Variants in FGF14 observed in about 807,000 individuals in gnomAD.
FGF14 encodes the protein fibroblast growth factor 14, also known as fibroblast growth factor homologous factor 4.
In FGF14, 5 loss-of-function variants were observed where a neutral mutation model predicts 25.5. The observed-to-expected ratio is 0.20, with a 90% CI of 0.10 to 0.41. The LOEUF is 0.41. Among genes scored for constraint, FGF14 ranks in the 10% least tolerant of loss-of-function variants. The probability of loss-of-function intolerance (pLI) is 1.00; values close to 1 mark genes in which losing one functional copy is unlikely to be tolerated. For synonymous variants in FGF14, 138 were observed against 118.3 expected, an observed-to-expected ratio of 1.17 and a Z score of -1.08; for missense variants, 222 against 320.1, an observed-to-expected ratio of 0.69 and a Z score of 2.34.
chr13:102,209,816 A>G (rs1045634220), intron 1 of FGF14, among the ~76,000 whole-genome samples: 8 of 152,346 alleles, frequency 5.3e-5, no homozygotes, highest in African/African-American at 1.7e-4. Context: ...GCAAGCACCT[A>G]TTAAACAAAA....
intron 1 of FGF14, among the ~76,000 whole-genome samples, chr13:102,200,243 A>G (rs1470449347): frequency 6.6e-6 from 1 of 152,204 alleles, no homozygotes; most frequent in Non-Finnish European, 1.5e-5. Context: ...ATGCATGAAT[A>G]TATGTGCATT....
At chr13:102,246,693 A>C (rs998607851) in intron 1 of FGF14, among the ~76,000 whole-genome samples, 1 of 151,996 alleles carries the variant, frequency 6.6e-6, no homozygotes, top group African/African-American at 2.4e-5. Context: ...GTTCCTATCA[A>C]ACTACCAATG....
intron 1 of FGF14, among the ~76,000 whole-genome samples, chr13:102,270,118 A>T (rs2053176916): frequency 6.6e-6 from 1 of 152,184 alleles, no homozygotes; most frequent in Admixed American, 6.6e-5. Flanking sequence ...TTTTAAGTAA[A>T]ATGATGTTAT....
chr13:102,177,965 T>C (rs2048514176), intron 1 of FGF14, among the ~76,000 whole-genome samples: 1 of 152,010 alleles, frequency 6.6e-6, no homozygotes, highest in African/African-American at 2.4e-5. Flanking sequence ...ACATAGCACA[T>C]GTCTCTCTCA....
chr13:102,114,597 A>G (rs927831748), intron 1 of FGF14, among the ~76,000 whole-genome samples: 6 of 152,240 alleles, frequency 3.9e-5, no homozygotes, highest in Non-Finnish European at 7.3e-5. Flanking sequence ...ATAAACATAA[A>G]TCAACAGAGG....
At chr13:102,171,079 G>A (rs667631) in intron 1 of FGF14, among the ~76,000 whole-genome samples, 92,659 of 152,008 alleles carry the variant, frequency 0.61, 29,948 homozygotes, top group East Asian at 0.91. Flanking sequence ...AATTTAAACC[G>A]TCCTGTAAAA....
chr13:101,723,213 C>T, intron 4 of FGF14: 1 of 509,058 alleles, frequency 2.0e-6, no homozygotes, highest in Admixed American at 3.0e-5. Context: ...GGATTTTTGT[C>T]TAGGACAGCA....
intron 1 of FGF14, among the ~76,000 whole-genome samples, chr13:102,042,838 A>T (rs1566611275): frequency 6.6e-6 from 1 of 152,188 alleles, no homozygotes; most frequent in Non-Finnish European, 1.5e-5. Context: ...TTCACTCTCA[A>T]AACTATGGAT....
chr13:102,273,316 A>G (rs1157161019), intron 1 of FGF14, among the ~76,000 whole-genome samples: 3 of 152,210 alleles, frequency 2.0e-5, no homozygotes. Context: ...AAAAAGAAAT[A>G]GCAGCATGGG....
chr13:101,740,376 G>T (rs928103888), intron 3 of FGF14, among the ~76,000 whole-genome samples: 3 of 152,176 alleles, frequency 2.0e-5, no homozygotes, highest in African/African-American at 7.2e-5. Flanking sequence ...AAGCCTAAAA[G>T]AGAGCCAATT....
chr13:102,383,462 C>G (rs1007749712), intron 1 of FGF14, among the ~76,000 whole-genome samples: 1 of 152,114 alleles, frequency 6.6e-6, no homozygotes, highest in South Asian at 2.1e-4. Context: ...TTACTATTTT[C>G]AACATATTAC....
intron 1 of FGF14, among the ~76,000 whole-genome samples, chr13:102,208,216 A>C (rs995020109): frequency 1.3e-5 from 2 of 152,184 alleles, no homozygotes; most frequent in Non-Finnish European, 2.9e-5. Context: ...TTTTCATTTA[A>C]TCTGTAATCA....
intron 3 of FGF14, among the ~76,000 whole-genome samples, chr13:101,741,675 C>T (rs1235448585): frequency 1.3e-5 from 2 of 151,122 alleles, no homozygotes; most frequent in Non-Finnish European, 2.9e-5. Flanking sequence ...TACTTCCCTG[C>T]CTTTTATTAT....
chr13:102,379,167 T>C (rs2058117511), intron 1 of FGF14, among the ~76,000 whole-genome samples: 1 of 152,058 alleles, frequency 6.6e-6, no homozygotes, highest in South Asian at 2.1e-4. Flanking sequence ...CTCTATAAAG[T>C]GGTTATTTGT....
At chr13:102,065,659 T>C (rs2042873023) in intron 1 of FGF14, among the ~76,000 whole-genome samples, 1 of 152,024 alleles carries the variant, frequency 6.6e-6, no homozygotes, top group Non-Finnish European at 1.5e-5. Context: ...ATACTGTCAA[T>C]CCTCAGTATC....
intron 1 of FGF14, among the ~76,000 whole-genome samples, chr13:102,167,426 C>CA (rs2048063939): frequency 6.6e-6 from 1 of 151,562 alleles, no homozygotes; most frequent in Non-Finnish European, 1.5e-5. Context: ...AAGATTTGCT[C>CA]ATAGTCACTG....
chr13:102,135,180 C>A lies in FGF14; in HGVS notation c.209-259884G>T, dbSNP rs377053969. 6.6e-5 allele frequency among the ~76,000 whole-genome samples: 10 copies of A among 152,092 alleles called. No individual in the cohort carries two copies. The East Asian group carries it at 1.5e-3, about 23-fold the overall frequency. On this transcript the variant is annotated intron_variant, in intron 1 of 4. Transcript: ENST00000376131. Reference sequence around the variant, plus strand: ...CTATGATCGCACCATCGCACTCCAGCCTGGGTGACAGAGCAAGACCCTATC... The same window carrying A: ...CTATGATCGCACCATCGCACTCCAGACTGGGTGACAGAGCAAGACCCTATC...
At chr13:102,251,680 T>C (rs1332143118) in intron 1 of FGF14, among the ~76,000 whole-genome samples, 1 of 152,072 alleles carries the variant, frequency 6.6e-6, no homozygotes, top group East Asian at 1.9e-4. Flanking sequence ...GGAGACACCT[T>C]TTCCAAATTC....
intron 1 of FGF14, among the ~76,000 whole-genome samples, chr13:101,997,219 T>G (rs1330817206): frequency 6.6e-6 from 1 of 151,070 alleles, no homozygotes; most frequent in Non-Finnish European, 1.5e-5. Context: ...AGGGCCTTTG[T>G]TTTGCTTACA....
Sources: gnomAD v4.1 joint callset for allele counts (sites outside exome capture counted in the v4.1 genomes callset) on GRCh38, gnomAD v4.1.1 for gene constraint, MANE v1.5 for transcripts, NCBI Gene and HGNC (gene_info 2026-07-23, HGNC 2026-07-21) for gene names.